Variants in ADGRD1 observed in about 807,000 individuals in gnomAD.
ADGRD1 encodes adhesion G protein-coupled receptor D1, also known as G-protein coupled receptor 133.
In ADGRD1, 77 loss-of-function variants were observed where a neutral mutation model predicts 113.4. The observed-to-expected ratio is 0.68, with a 90% CI of 0.57 to 0.82. The LOEUF (loss-of-function observed/expected upper bound fraction) is 0.82, where lower values mean the gene tolerates loss of function less well. ADGRD1 is among the 40% of genes least tolerant of loss of function. The pLI, the probability that ADGRD1 is intolerant of heterozygous loss-of-function variation, is 0.00. For synonymous variants in ADGRD1, 474 were observed against 475.0 expected, an observed-to-expected ratio of 1.00 and a Z score of 0.03; for missense variants, 1,036 against 1,139.1, an observed-to-expected ratio of 0.91 and a Z score of 1.30.
At position 131,141,022 on chromosome 12, in the gene ADGRD1, A is replaced by G. The variant is rs973779104; in HGVS notation, c.*1759A>G. The G allele has an allele frequency of 2.0e-5, 3 of 152,304 alleles. No individual in the cohort carries two copies. The highest frequency in any genetic ancestry group is 1.9e-4 in the East Asian group (1 of 5,198). 9.4% of individuals were successfully genotyped at this position (152,304 alleles called of 1,614,324 possible). A position where few individuals can be genotyped will look rare whatever the true frequency, so the allele number is the denominator to read the frequency against. ...GCCCCAGGCTCCCGTGACCCCAGAA[A>G]CCAGGTCACATGGACCACAGTGCCA... On this transcript the variant is annotated 3_prime_UTR_variant, in exon 25 of 25. Coordinates refer to ENST00000261654, the MANE Select transcript of ADGRD1 (RefSeq NM_198827.5).
intron 13 of ADGRD1, among the ~76,000 whole-genome samples, chr12:131,064,706 C>T (rs1398738695): frequency 6.6e-6 from 1 of 152,208 alleles, no homozygotes. Flanking sequence ...GATCCCATAT[C>T]TTCTATAGAA....
chr12:131,100,231 G>A (rs1367452838), intron 15 of ADGRD1, among the ~76,000 whole-genome samples: 1 of 152,100 alleles, frequency 6.6e-6, no homozygotes, highest in Non-Finnish European at 1.5e-5. Flanking sequence ...TGATGGTAGA[G>A]TTGGTTGATA....
intron 19 of ADGRD1, chr12:131,120,637 T>C: frequency 1.6e-6 from 1 of 636,644 alleles, no homozygotes. Context: ...GTTGCTGTCC[T>C]GGTCTTCAAA....
chr12:131,118,458 G>A lies in ADGRD1; in HGVS notation c.2108+7G>A, dbSNP rs189574052. On this transcript the variant is annotated splice_region_variant and intron_variant, in intron 19 of 24. Coordinates refer to ENST00000261654, the MANE Select transcript of ADGRD1 (RefSeq NM_198827.5). The stretch of plus-strand genomic sequence containing the variant: ...GTTACGGAACAAGCAACAAGTAAGT[G>A]CAGGGCTTTGCCTTGCTTTTGGCAG... 1.2e-5 allele frequency: 19 copies of A among 1,601,302 alleles called. No homozygotes were observed. In the Middle Eastern group the frequency reaches 6.7e-4, roughly 56 times the overall value.
chr12:131,105,986 C>T (rs772690876), intron 17 of ADGRD1, 121 bp downstream of exon 17: 3 of 709,484 alleles, frequency 4.2e-6, no homozygotes, highest in Non-Finnish European at 4.9e-6. Flanking sequence ...CCCAGACAAC[C>T]AGGGCTGTGG....
At chr12:131,118,137 C>T in intron 18 of ADGRD1, among the ~76,000 whole-genome samples, 1 of 152,230 alleles carries the variant, frequency 6.6e-6, no homozygotes, top group East Asian at 1.9e-4. Context: ...AAGACTCATA[C>T]ACTTTGTTGT....
rs747812268 is a variant in ADGRD1 at position 131,108,885 on chromosome 12, G to A, written c.2041+8G>A. On this transcript the variant is annotated splice_region_variant and intron_variant, in intron 18 of 24. Transcript: ENST00000261654. ...ACTATGGGATGGGATGGGGTAGGTG[G>A]GGCAGGGCAGGTGGGATGGCGGGGC... 1.3e-6 allele frequency: 2 copies of A among 1,585,050 alleles called. No homozygotes were observed. Among genetic ancestry groups the A allele is most frequent in the Non-Finnish European group, 1.7e-6 (2 of 1,157,716 alleles).
intron 21 of ADGRD1, among the ~76,000 whole-genome samples, chr12:131,134,997 C>T (rs1414313457): frequency 6.6e-6 from 1 of 152,210 alleles, no homozygotes; most frequent in East Asian, 1.9e-4. Flanking sequence ...CTGACCTGGG[C>T]AGCAGGAACT....
intron 13 of ADGRD1, among the ~76,000 whole-genome samples, chr12:131,065,795 C>T (rs1269867910): frequency 6.6e-6 from 1 of 152,158 alleles, no homozygotes; most frequent in Non-Finnish European, 1.5e-5. Context: ...CTCTCTTCCC[C>T]ACATAAGGTA....
Position 131,060,915 on chromosome 12 carries a change from AC to A in ADGRD1, c.1474-15884del, listed in dbSNP as rs1884264565. Among the ~76,000 whole-genome samples the A allele has an allele frequency of 6.6e-6, 1 of 151,900 alleles. No individual in the cohort carries two copies. The highest frequency in any genetic ancestry group is 6.6e-5 in the Admixed American group (1 of 15,264). The stretch of plus-strand genomic sequence containing the variant: ...GGGCTCAGTCCACCCCGCCCATGTT[AC>A]CTGGATGGAGAACAGAGTGGACAGA... On this transcript the variant is annotated intron_variant, in intron 13 of 24. Transcript: ENST00000261654. This position sits in a 1 kb window ranked among gnomAD's most constrained non-coding sequence, Gnocchi z 4.4.
rs77443236 is a variant in ADGRD1, at chr12:130,961,438, C to A, written c.104-5025C>A. ...CTCTCGTTCTTTCTCTTCCTCCCCACCCCTCCTCCATTTTCTCTCTGGCTC... is the reference window on the plus strand; with the variant it reads ...CTCTCGTTCTTTCTCTTCCTCCCCAACCCTCCTCCATTTTCTCTCTGGCTC... On this transcript the variant is annotated intron_variant, in intron 2 of 24. Coordinates refer to ENST00000261654, the MANE Select transcript of ADGRD1 (RefSeq NM_198827.5). 3.2e-3 allele frequency among the ~76,000 whole-genome samples: 483 copies of A among 152,216 alleles called. 2 individuals are homozygous for A. Among genetic ancestry groups the A allele is most frequent in the African/African-American group, 0.011 (449 of 41,534 alleles).
chr12:131,137,393 C>G (rs1951114491), intron 23 of ADGRD1, among the ~76,000 whole-genome samples: 1 of 152,258 alleles, frequency 6.6e-6, no homozygotes, highest in South Asian at 2.1e-4. Flanking sequence ...CCTCCTTGGA[C>G]TCTGGGGCAG....
intron 17 of ADGRD1, 62 bp from the exon 18 acceptor site, chr12:131,108,662 C>G: frequency 6.2e-7 from 1 of 1,610,862 alleles, no homozygotes; most frequent in Non-Finnish European, 8.5e-7. Flanking sequence ...AGGCTGGGAT[C>G]ATAGCCACGC....
intron 13 of ADGRD1, among the ~76,000 whole-genome samples, chr12:131,046,171 T>A (rs112058140): frequency 1.8e-4 from 2 of 11,336 alleles, no homozygotes; most frequent in Non-Finnish European, 5.4e-4. Context: ...TCAGTGTCCT[T>A]CCTGGTCAAT....
chr12:130,965,750 C>G lies in ADGRD1; in HGVS notation c.104-713C>G, dbSNP rs1238377419. On this transcript the variant is annotated intron_variant, in intron 2 of 24. Transcript: ENST00000261654. This position sits in a 1 kb window ranked among gnomAD's most constrained non-coding sequence, Gnocchi z 4.8. ...GAAGAGCAGAATAGAAAATAACATA[C>G]CTGCATAAAGTTATGTTTACTCAAA... Among the ~76,000 whole-genome samples, 1 of 152,116 alleles carries G rather than the reference C, an allele frequency of 6.6e-6. No homozygotes were observed. The highest frequency in any genetic ancestry group is 1.5e-5 in the Non-Finnish European group (1 of 68,022).
intron 13 of ADGRD1, among the ~76,000 whole-genome samples, chr12:131,030,009 C>G (rs111555148): frequency 0.01 from 1,438 of 137,170 alleles, 99 homozygotes; most frequent in African/African-American, 0.03. Flanking sequence ...CATTCCCAGG[C>G]TCTGGGGTTA....
chr12:130,991,247 G>T (rs1874346922), intron 7 of ADGRD1, 169 bp downstream of exon 7: 1 of 527,520 alleles, frequency 1.9e-6, no homozygotes, highest in African/African-American at 1.9e-5. Context: ...CTAATTCTTG[G>T]TGCTAAGAGT....
chr12:131,004,353 G>C, intron 11 of ADGRD1, 57 bp downstream of exon 11: 1 of 1,289,232 alleles, frequency 7.8e-7, no homozygotes, highest in Non-Finnish European at 1.1e-6. Context: ...TCTTTCTGAA[G>C]AGTCCCCAAG....
intron 13 of ADGRD1, among the ~76,000 whole-genome samples, chr12:131,071,185 G>C (rs567034154): frequency 1.1e-4 from 17 of 148,778 alleles, no homozygotes; most frequent in African/African-American, 4.0e-4. Flanking sequence ...CATGTGCAAG[G>C]AGGGTGGGGC....
Sources: allele counts gnomAD v4.1 joint callset (sites outside exome capture counted in the v4.1 genomes callset), GRCh38; gene constraint gnomAD v4.1.1; non-coding constraint Gnocchi (gnomAD v3.1); transcripts MANE v1.5; gene names NCBI Gene and HGNC (gene_info 2026-07-23, HGNC 2026-07-21).